The following GABRG3 variants were observed in gnomAD, a reference collection of about 807,000 sequenced individuals.
The protein encoded by GABRG3 is gamma-aminobutyric acid type A receptor subunit gamma3, also known as gamma-aminobutyric acid receptor subunit gamma-3.
In GABRG3, 25 loss-of-function variants were observed where a neutral mutation model predicts 48.8. That is an observed-to-expected ratio of 0.51 (90% CI 0.37 to 0.72). The LOEUF (loss-of-function observed/expected upper bound fraction) is 0.72. Ranked by LOEUF, GABRG3 falls within the 30% of genes least tolerant of loss-of-function variation. The probability of loss-of-function intolerance (pLI) is 0.00; values close to 1 mark genes in which losing one functional copy is unlikely to be tolerated. For synonymous variants in GABRG3, 227 were observed against 217.6 expected (o/e 1.04, Z -0.38); for missense variants, 394 against 577.9 (o/e 0.68, Z 3.26).
chr15:26,978,665 G>A (rs186281946), intron 2 of GABRG3, among the ~76,000 whole-genome samples: 113 of 152,136 alleles, frequency 7.4e-4, no homozygotes, highest in African/African-American at 2.4e-3. Context: ...CTGGTTCTCT[G>A]TTTCGCTCTG....
At chr15:27,429,739 T>A (rs1888394764) in intron 5 of GABRG3, among the ~76,000 whole-genome samples, 1 of 152,240 alleles carries the variant, frequency 6.6e-6, no homozygotes, top group Non-Finnish European at 1.5e-5. Context: ...TAGCTTATAT[T>A]AGTACCGCAT....
chr15:27,275,752 A>C (rs1191773245), intron 3 of GABRG3, among the ~76,000 whole-genome samples: 1 of 152,228 alleles, frequency 6.6e-6, no homozygotes, highest in African/African-American at 2.4e-5. Flanking sequence ...TTCCTATGAC[A>C]AAAGGAAACT....
rs1169926074 is a variant in GABRG3 at position 27,313,262 on chromosome 15, G to GTATA, written c.271-13502_271-13499dup. Among the ~76,000 whole-genome samples the GTATA allele has an allele frequency of 6.5e-3, 224 of 34,432 alleles. 10 individuals carry two copies. Among genetic ancestry groups the GTATA allele is most frequent in the Middle Eastern group, 0.019 (1 of 52 alleles). 22.6% of individuals were successfully genotyped at this position (34,432 alleles called of 152,430 possible). ...TATATGTGTGTGTGTGTGTGTGTGT[G>GTATA]TATATATATATATATATATATATAT... is the stretch of plus-strand genomic sequence containing the variant. On this transcript the variant is annotated intron_variant, in intron 3 of 9. Transcript: ENST00000615808.
intron 3 of GABRG3, among the ~76,000 whole-genome samples, chr15:27,313,994 A>G (rs1893123353): frequency 6.6e-6 from 1 of 152,142 alleles, no homozygotes; most frequent in Non-Finnish European, 1.5e-5. Flanking sequence ...CAAAGAATAG[A>G]AAAACAATAG....
chr15:27,236,663 A>G lies in GABRG3; in HGVS notation c.271-90146A>G, dbSNP rs761262279. Among the ~76,000 whole-genome samples, 2 of 152,152 alleles carry G rather than the reference A, an allele frequency of 1.3e-5. No individual in the cohort carries two copies. Among genetic ancestry groups the G allele is most frequent in the Non-Finnish European group, 2.9e-5 (2 of 68,030 alleles). Reference sequence around the variant, plus strand: ...TGTTCCTGATTAGAGACCACCAGCCACAGAGTGGCTCTGACCAGCCTAGGG... The same window carrying G: ...TGTTCCTGATTAGAGACCACCAGCCGCAGAGTGGCTCTGACCAGCCTAGGG... On this transcript the variant is annotated intron_variant, in intron 3 of 9. Coordinates refer to ENST00000615808, the MANE Select transcript of GABRG3 (RefSeq NM_033223.5). This position sits in a 1 kb window ranked among gnomAD's most constrained non-coding sequence, Gnocchi z 4.4.
chr15:27,156,321 A>G (rs1898424349), intron 3 of GABRG3, among the ~76,000 whole-genome samples: 3 of 141,622 alleles, frequency 2.1e-5, no homozygotes. Flanking sequence ...AAAAAAAAAA[A>G]GAAAGAAATA....
chr15:26,998,303 A>G (rs768415381), intron 2 of GABRG3, among the ~76,000 whole-genome samples: 1 of 152,210 alleles, frequency 6.6e-6, no homozygotes, highest in Non-Finnish European at 1.5e-5. Flanking sequence ...AATTCTCCAC[A>G]CTTTGTTCCA....
At chr15:27,306,998 ATAAACATG>A (rs1892559008) in intron 3 of GABRG3, among the ~76,000 whole-genome samples, 1 of 116,864 alleles carries the variant, frequency 8.6e-6, no homozygotes, top group African/African-American at 4.0e-5. Context: ...ATGTTTATAT[ATAAACATG>A]TATAAACATG....
intron 5 of GABRG3, among the ~76,000 whole-genome samples, chr15:27,435,509 G>A (rs1888584181): frequency 1.3e-5 from 2 of 152,250 alleles, no homozygotes; most frequent in Admixed American, 1.3e-4. Flanking sequence ...TTCTGGGCTT[G>A]CACATTCTGC....
rs1894926885 is a variant in GABRG3, at chr15:26,975,567, C to G, written c.54-1435C>G. 6.6e-6 allele frequency among the ~76,000 whole-genome samples: 1 copy of G among 152,032 alleles called. No homozygotes were observed. The highest frequency in any genetic ancestry group is 2.1e-4 in the South Asian group (1 of 4,810). ...GTCTACGTTATGGCTAGTTAACACGCTTTAAAAGACTCATGTATATATTAC... is the reference window on the plus strand; with the variant it reads ...GTCTACGTTATGGCTAGTTAACACGGTTTAAAAGACTCATGTATATATTAC... On this transcript the variant is annotated intron_variant, in intron 1 of 9. Coordinates refer to ENST00000615808, the MANE Select transcript of GABRG3 (RefSeq NM_033223.5). The surrounding 1 kb of genome is among the most constrained non-coding windows in gnomAD (Gnocchi z 4.6).
intron 3 of GABRG3, among the ~76,000 whole-genome samples, chr15:27,266,674 T>G (rs536736158): frequency 6.6e-6 from 1 of 152,348 alleles, no homozygotes; most frequent in Admixed American, 6.5e-5. Flanking sequence ...AGTCTATTCC[T>G]CCATTTATTC....
intron 5 of GABRG3, among the ~76,000 whole-genome samples, chr15:27,384,210 T>C (rs1423627923): frequency 6.6e-6 from 1 of 152,124 alleles, no homozygotes; most frequent in African/African-American, 2.4e-5. Context: ...CAACAGAAAA[T>C]ACCCAGGATA....
chr15:27,041,396 G>A (rs1283891067), intron 3 of GABRG3, among the ~76,000 whole-genome samples: 1 of 152,050 alleles, frequency 6.6e-6, no homozygotes, highest in East Asian at 1.9e-4. Flanking sequence ...TTGCCCAGCT[G>A]GTCTCAAACT....
At chr15:27,501,485 T>G (rs1204736566) in intron 6 of GABRG3, among the ~76,000 whole-genome samples, 1 of 152,130 alleles carries the variant, frequency 6.6e-6, no homozygotes, top group Admixed American at 6.5e-5. Flanking sequence ...TCAGAGATGT[T>G]TTAAGCCCTT....
chr15:27,341,752 T>C (rs1230735163), intron 5 of GABRG3, among the ~76,000 whole-genome samples: 1 of 152,116 alleles, frequency 6.6e-6, no homozygotes, highest in African/African-American at 2.4e-5. Context: ...TTGTTGTTAT[T>C]GGTGGAGGAC....
chr15:27,522,362 A>G (rs1023476921), intron 7 of GABRG3, among the ~76,000 whole-genome samples: 2 of 151,998 alleles, frequency 1.3e-5, no homozygotes, highest in Non-Finnish European at 2.9e-5. Context: ...TTAGGTTAAT[A>G]GAAATAATCA....
At chr15:27,326,017 G>A (rs1011719808) in intron 3 of GABRG3, among the ~76,000 whole-genome samples, 1 of 152,104 alleles carries the variant, frequency 6.6e-6, no homozygotes, top group Non-Finnish European at 1.5e-5. Context: ...TGAGGGGAGT[G>A]GCCTCTGAGG....
chr15:27,267,238 C>T (rs977574236), intron 3 of GABRG3, among the ~76,000 whole-genome samples: 1 of 151,118 alleles, frequency 6.6e-6, no homozygotes, highest in African/African-American at 2.4e-5. Flanking sequence ...TCCCAAGTAG[C>T]TGAGATTGCA....
At chr15:27,152,295 G>A (rs1898331353) in intron 3 of GABRG3, among the ~76,000 whole-genome samples, 1 of 152,066 alleles carries the variant, frequency 6.6e-6, no homozygotes, top group Admixed American at 6.6e-5. Context: ...CCATATATTT[G>A]GGGATGGAGG....
Sources: gnomAD v4.1 joint callset for allele counts (sites outside exome capture counted in the v4.1 genomes callset) on GRCh38, gnomAD v4.1.1 for gene constraint, Gnocchi (gnomAD v3.1) non-coding constraint, MANE v1.5 for transcripts, NCBI Gene and HGNC (gene_info 2026-07-23, HGNC 2026-07-21) for gene names.